SLC7A6: variants seen among roughly 807,000 people sequenced by gnomAD.
SLC7A6 encodes Y+L amino acid transporter 2.
SLC7A6 carries 29 observed loss-of-function variants against 46.6 expected under a neutral mutation model. That is an observed-to-expected ratio of 0.62 (90% CI 0.46 to 0.85). The LOEUF (loss-of-function observed/expected upper bound fraction) is 0.85, where lower values mean the gene tolerates loss of function less well. Ranked by LOEUF, SLC7A6 falls within the 40% of genes least tolerant of loss-of-function variation. The pLI, the probability that SLC7A6 is intolerant of heterozygous loss-of-function variation, is 0.00. For missense variants in SLC7A6, 527 were observed against 647.6 expected (o/e 0.81, Z 2.02); for synonymous variants, 276 against 257.3 (o/e 1.07, Z -0.70).
At chr16:68,279,033 A>T (rs1181993944) in intron 3 of SLC7A6, among the ~76,000 whole-genome samples, 27 of 151,006 alleles carry the variant, frequency 1.8e-4, no homozygotes, top group Non-Finnish European at 1.5e-4. Flanking sequence ...TTATAAAATT[A>T]AAAAAAAAAT....
Position 68,286,113 on chromosome 16 carries a change from A to G in SLC7A6, c.524-1633A>G, listed in dbSNP as rs190815348. On this transcript the variant is annotated intron_variant, in intron 3 of 10. Coordinates refer to ENST00000219343, the MANE Select transcript of SLC7A6 (RefSeq NM_003983.6). ...TCTCAAAAAAAAAAAAAAAAAAAAA[A>G]AGAAGGAAAGAAGGAAAATAAAATG... is the stretch of plus-strand genomic sequence containing the variant. Among the ~76,000 whole-genome samples the G allele has an allele frequency of 9.4e-3, 1,418 of 150,920 alleles. 28 individuals are homozygous for G. Among genetic ancestry groups the G allele is most frequent in the African/African-American group, 0.033 (1,365 of 40,830 alleles).
intron 3 of SLC7A6, among the ~76,000 whole-genome samples, chr16:68,281,343 A>G (rs2042825309): frequency 1.3e-5 from 2 of 152,192 alleles, no homozygotes; most frequent in African/African-American, 4.8e-5. Flanking sequence ...ATCTGGAGAC[A>G]CTTTTGGTTG....
intron 3 of SLC7A6, among the ~76,000 whole-genome samples, chr16:68,277,144 T>C (rs1389601829): frequency 1.3e-5 from 2 of 151,692 alleles, no homozygotes; most frequent in African/African-American, 2.4e-5. Flanking sequence ...TGGAGTACAA[T>C]GGCATGATCT....
chr16:68,276,601 T>G (rs1415907084), intron 3 of SLC7A6, among the ~76,000 whole-genome samples: 1 of 152,140 alleles, frequency 6.6e-6, no homozygotes. Context: ...ACCCTTAGGA[T>G]TAGGGAAGGC....
In SLC7A6 at chr16:68,294,244, A is replaced by C. The variant is rs529979110; in HGVS notation, c.1023-461A>C. On this transcript the variant is annotated intron_variant, in intron 7 of 10. Coordinates refer to ENST00000219343, the MANE Select transcript of SLC7A6 (RefSeq NM_003983.6). ...GTAGAGCTCTTTAGGTGTAGAAAGGAAGCCTGGGTTGTCTCTCTGACCCTC... is the reference window on the plus strand; with the variant it reads ...GTAGAGCTCTTTAGGTGTAGAAAGGCAGCCTGGGTTGTCTCTCTGACCCTC... Among the ~76,000 whole-genome samples, 3 of 152,260 alleles carry C rather than the reference A, an allele frequency of 2.0e-5. No homozygotes were observed. In the East Asian group the frequency reaches 5.8e-4, roughly 29 times the overall value.
rs772028138 is a variant in SLC7A6 at position 68,297,299 on chromosome 16, GA to G, written c.1526del (p.Lys509ArgfsTer26). 1.9e-6 allele frequency: 3 copies of G among 1,613,214 alleles called. No individual in the cohort carries two copies. The highest frequency in any genetic ancestry group is 3.3e-5 in the Admixed American group (2 of 59,776). On this transcript the variant is annotated frameshift_variant, in exon 11 of 11. Transcript: ENST00000219343. LOFTEE classifies it high-confidence loss of function. ...CCTGACTGAGCTTGATGTAGCCGAAGAAAAAAAGGATGAGAGGAAAACTGAC... is the reference window on the plus strand; with the variant it reads ...CCTGACTGAGCTTGATGTAGCCGAAGAAAAAAGGATGAGAGGAAAACTGAC... ...CVLTELDVAE[E>X]KKDERKTD
At position 68,296,483 on chromosome 16, in the gene SLC7A6, G is replaced by T. The variant is rs769618978; in HGVS notation, c.1239G>T (p.Trp413Cys). ...LSVVGQLYLR[W>C]KEPKRPRPLK... ...TTGTTGGACAGCTCTACCTCCGCTGGAAGGAGCCCAAGCGGCCCCGGCCTC... is the reference window on the plus strand; with the variant it reads ...TTGTTGGACAGCTCTACCTCCGCTGTAAGGAGCCCAAGCGGCCCCGGCCTC... Residue 413 changes from tryptophan (W) to cysteine (C), a missense_variant, in exon 9 of 11, where the codon TGG becomes TGT. Trp to Cys is a radical substitution (Grantham distance 215). Transcript: ENST00000219343. 6.2e-7 allele frequency: 1 copy of T among 1,614,164 alleles called. No homozygotes were observed. The highest frequency in any genetic ancestry group is 1.1e-5 in the South Asian group (1 of 91,078).
chr16:68,297,749 A>G lies in SLC7A6; in HGVS notation c.*421A>G, dbSNP rs986772496. The G allele has an allele frequency of 1.9e-5, 3 of 155,424 alleles. No individual in the cohort carries two copies. The highest frequency in any genetic ancestry group is 2.9e-5 in the Non-Finnish European group (2 of 70,148). 9.6% of individuals were successfully genotyped at this position (155,424 alleles called of 1,614,324 possible). On this transcript the variant is annotated 3_prime_UTR_variant, in exon 11 of 11. Coordinates refer to ENST00000219343, the MANE Select transcript of SLC7A6 (RefSeq NM_003983.6). ...TTTCTCTGACCAGGTACAACACCTG[A>G]CTTTAAAGGCCTGAAATGCTACCAT...
At position 68,279,072 on chromosome 16, in the gene SLC7A6, G is replaced by A. The variant is rs374536898; in HGVS notation, c.523+3823G>A. ...TATTGGCTGGGCATGGTAGCTCATG[G>A]CTTTTGTAATTCCAGCACTTTGGGA... On this transcript the variant is annotated intron_variant, in intron 3 of 10. Coordinates refer to ENST00000219343, the MANE Select transcript of SLC7A6 (RefSeq NM_003983.6). Among the ~76,000 whole-genome samples the A allele has an allele frequency of 5.3e-5, 8 of 152,218 alleles. 1 individual carries two copies. The East Asian group carries it at 1.2e-3, about 22-fold the overall frequency.
intron 7 of SLC7A6, chr16:68,292,159 G>A (rs1273922717): frequency 6.4e-6 from 1 of 156,766 alleles, no homozygotes; most frequent in African/African-American, 2.4e-5. Flanking sequence ...AATGATAACA[G>A]CACTTGCTGT....
At chr16:68,296,967 T>C (rs1483392027) in intron 10 of SLC7A6, among the ~76,000 whole-genome samples, 157 bp downstream of exon 10, 2 of 152,176 alleles carry the variant, frequency 1.3e-5, no homozygotes. Context: ...ATGATCACTT[T>C]AGTTCTAATT....
At chr16:68,290,203 T>G in intron 4 of SLC7A6, 193 bp from the exon 5 acceptor site, 1 of 583,040 alleles carries the variant, frequency 1.7e-6, no homozygotes. Flanking sequence ...TGGTGTTAAA[T>G]TATGTTTTTT....
At chr16:68,289,055 G>T (rs989123528) in intron 4 of SLC7A6, among the ~76,000 whole-genome samples, 1 of 151,838 alleles carries the variant, frequency 6.6e-6, no homozygotes, top group Admixed American at 6.6e-5. Context: ...AGGCCGGGAG[G>T]CTGAGGCAGA....
At chr16:68,273,614 T>C (rs1043380641) in intron 2 of SLC7A6, among the ~76,000 whole-genome samples, 1 of 152,132 alleles carries the variant, frequency 6.6e-6, no homozygotes, top group African/African-American at 2.4e-5. Context: ...AGTGGCAAAT[T>C]AGCCCTGGGT....
At chr16:68,280,398 C>G (rs549987849) in intron 3 of SLC7A6, among the ~76,000 whole-genome samples, 2 of 152,086 alleles carry the variant, frequency 1.3e-5, no homozygotes, top group African/African-American at 4.8e-5. Flanking sequence ...GCTGGTGGCC[C>G]GTGAGCCAGA....
At chr16:68,282,173 G>C (rs1174456116) in intron 3 of SLC7A6, among the ~76,000 whole-genome samples, 1 of 152,180 alleles carries the variant, frequency 6.6e-6, no homozygotes, top group Non-Finnish European at 1.5e-5. Flanking sequence ...GTGATACGGG[G>C]CTAGGGAGGA....
At chr16:68,296,861 A>T (rs375375843) in intron 10 of SLC7A6, 51 bp downstream of exon 10, 84 of 1,592,074 alleles carry the variant, frequency 5.3e-5, no homozygotes, top group Non-Finnish European at 6.4e-5. Context: ...GTGCATGCGC[A>T]TGCAGAGGTG....
intron 3 of SLC7A6, among the ~76,000 whole-genome samples, chr16:68,279,586 T>G (rs1016827095): frequency 6.6e-6 from 1 of 152,218 alleles, no homozygotes. Flanking sequence ...TTGCCCAGGC[T>G]GGAGGGCAGT....
chr16:68,296,773 A>C lies in SLC7A6; in HGVS notation c.1416A>C (p.Pro472=). 1 of 1,614,148 alleles carries C rather than the reference A, an allele frequency of 6.2e-7. No individual in the cohort carries two copies. ...VPFYFMGVYL[P]ESRRPLFIRN... ...TCTACTTCATGGGTGTTTACCTGCC[A>C]GAGTCCCGGAGGCCATTGTTTATTC... is the stretch of plus-strand genomic sequence containing the variant. Residue 472 remains proline (P), a synonymous_variant, in exon 10 of 11, where the codon CCA becomes CCC. Coordinates refer to ENST00000219343, the MANE Select transcript of SLC7A6 (RefSeq NM_003983.6).
Sources: gnomAD v4.1 joint callset for allele counts (sites outside exome capture counted in the v4.1 genomes callset) on GRCh38, gnomAD v4.1.1 for gene constraint, MANE v1.5 for transcripts, NCBI Gene and HGNC (gene_info 2026-07-23, HGNC 2026-07-21) for gene names.